The following CDH13 variants were observed in gnomAD, a reference collection of about 807,000 sequenced individuals.
CDH13 encodes cadherin 13.
A neutral mutation model predicts 63.8 loss-of-function variants in CDH13; 24 were observed. The observed-to-expected ratio is 0.38, with a 90% CI of 0.27 to 0.53. The LOEUF (loss-of-function observed/expected upper bound fraction) is 0.53, where lower values mean the gene tolerates loss of function less well. Ranked by LOEUF, CDH13 falls within the 20% of genes least tolerant of loss-of-function variation. The pLI, the probability that CDH13 is intolerant of heterozygous loss-of-function variation, is 0.85. For missense variants in CDH13, 1,049 were observed against 903.1 expected (o/e 1.16, Z -2.07); for synonymous variants, 503 against 355.3 (o/e 1.42, Z -4.67).
chr16:82,923,842 A>C (rs548170366), intron 2 of CDH13, among the ~76,000 whole-genome samples: 1 of 152,332 alleles, frequency 6.6e-6, no homozygotes, highest in African/African-American at 2.4e-5. Flanking sequence ...GTTGTAATTT[A>C]AGATAAAGAG....
At chr16:83,587,917 A>T (rs1325133310) in intron 7 of CDH13, among the ~76,000 whole-genome samples, 2 of 150,576 alleles carry the variant, frequency 1.3e-5, no homozygotes, top group Non-Finnish European at 3.0e-5. Flanking sequence ...CTTTGTTGAG[A>T]TTTATCTGAG....
chr16:83,741,546 T>G (rs1199993543), intron 10 of CDH13, among the ~76,000 whole-genome samples: 1 of 152,072 alleles, frequency 6.6e-6, no homozygotes, highest in Admixed American at 6.5e-5. Context: ...ATGCCATATA[T>G]AGAGATAGAT....
chr16:83,229,557 G>T (rs1381179739), intron 5 of CDH13, among the ~76,000 whole-genome samples: 2 of 151,968 alleles, frequency 1.3e-5, no homozygotes, highest in African/African-American at 2.4e-5. Flanking sequence ...AACACAGTTG[G>T]CCAGAGCTGT....
chr16:82,690,815 T>A (rs1915573617), intron 1 of CDH13, among the ~76,000 whole-genome samples: 1 of 152,214 alleles, frequency 6.6e-6, no homozygotes, highest in African/African-American at 2.4e-5. Context: ...GGGTGTTGGC[T>A]GACGCAGCCT....
chr16:83,538,751 G>C (rs959855442), intron 7 of CDH13, among the ~76,000 whole-genome samples: 2 of 152,130 alleles, frequency 1.3e-5, no homozygotes, highest in African/African-American at 2.4e-5. Context: ...TGTCCAGTTA[G>C]AATGCATAAT....
At chr16:83,149,604 T>C (rs78292806) in intron 4 of CDH13, among the ~76,000 whole-genome samples, 3,518 of 152,334 alleles carry the variant, frequency 0.023, 101 homozygotes, top group South Asian at 0.084. Context: ...AATATTTTTG[T>C]GTATATCACT....
intron 2 of CDH13, among the ~76,000 whole-genome samples, chr16:82,970,187 T>C (rs1908500558): frequency 6.6e-6 from 1 of 152,120 alleles, no homozygotes; most frequent in Non-Finnish European, 1.5e-5. Context: ...TATTTGGTTT[T>C]CTGTTCTTGT....
intron 1 of CDH13, among the ~76,000 whole-genome samples, chr16:82,845,800 A>G (rs1048199495): frequency 6.6e-6 from 1 of 152,142 alleles, no homozygotes; most frequent in African/African-American, 2.4e-5. Context: ...AATACCACCA[A>G]CCCTGAGCAG....
intron 6 of CDH13, among the ~76,000 whole-genome samples, chr16:83,377,150 A>G (rs1014748887): frequency 5.9e-5 from 9 of 152,212 alleles, no homozygotes; most frequent in South Asian, 2.1e-4. Flanking sequence ...CCACAAAATC[A>G]TAAACACGAT....
At chr16:83,230,362 A>G (rs1323363856) in intron 5 of CDH13, among the ~76,000 whole-genome samples, 1 of 152,190 alleles carries the variant, frequency 6.6e-6, no homozygotes, top group Non-Finnish European at 1.5e-5. Flanking sequence ...GGCTGCATGA[A>G]GTATCTTTCT....
At chr16:82,703,090 C>G (rs35748240) in intron 1 of CDH13, among the ~76,000 whole-genome samples, 5,132 of 151,884 alleles carry the variant, frequency 0.034, 130 homozygotes, top group Middle Eastern at 0.088. Context: ...ATTGCTTATA[C>G]TTTTTTTTGT....
intron 5 of CDH13, among the ~76,000 whole-genome samples, chr16:83,333,796 C>T (rs1227933205): frequency 6.6e-6 from 1 of 152,276 alleles, no homozygotes; most frequent in African/African-American, 2.4e-5. Flanking sequence ...TTGGTTTGCA[C>T]CTGTTGTTTC....
chr16:83,425,508 C>G (rs1567663924), intron 6 of CDH13, among the ~76,000 whole-genome samples: 1 of 152,258 alleles, frequency 6.6e-6, no homozygotes, highest in Non-Finnish European at 1.5e-5. Context: ...CCAGTTTATG[C>G]TACCGCATCT....
intron 6 of CDH13, among the ~76,000 whole-genome samples, chr16:83,426,214 AC>A (rs1174744092): frequency 2.0e-5 from 3 of 151,822 alleles, no homozygotes; most frequent in Non-Finnish European, 4.4e-5. Context: ...CTGGGTTTCC[AC>A]CCTAATGCAT....
intron 2 of CDH13, among the ~76,000 whole-genome samples, chr16:82,906,059 A>G (rs1418619496): frequency 2.6e-5 from 4 of 152,130 alleles, no homozygotes; most frequent in Admixed American, 1.3e-4. Context: ...TACCTGTCTA[A>G]TATCTGTCAT....
intron 10 of CDH13, among the ~76,000 whole-genome samples, chr16:83,713,317 T>C (rs1908347992): frequency 6.6e-6 from 1 of 152,232 alleles, no homozygotes; most frequent in Non-Finnish European, 1.5e-5. Flanking sequence ...CACCTCATCT[T>C]CTGCCATTGG....
intron 1 of CDH13, among the ~76,000 whole-genome samples, chr16:82,654,656 C>T (rs559612909): frequency 2.2e-4 from 33 of 152,176 alleles, no homozygotes; most frequent in Admixed American, 1.8e-3. Context: ...TATTTGGGGG[C>T]AGACATCCTT....
chr16:82,978,024 C>G lies in CDH13; in HGVS notation c.158-53986C>G, dbSNP rs533634316. Among the ~76,000 whole-genome samples, 200 of 152,292 alleles carry G rather than the reference C, an allele frequency of 1.3e-3. 1 individual carries two copies. The highest frequency in any genetic ancestry group is 4.7e-3 in the African/African-American group (195 of 41,564). Reference sequence around the variant, plus strand: ...GTTGGAAACTGGAGCAAAGGTGACTCTCGTTATGTTTTAGCACAGGGACTG... The same window carrying G: ...GTTGGAAACTGGAGCAAAGGTGACTGTCGTTATGTTTTAGCACAGGGACTG... On this transcript the variant is annotated intron_variant, in intron 2 of 13. Coordinates refer to ENST00000567109, the MANE Select transcript of CDH13 (RefSeq NM_001257.5).
chr16:83,601,808 G>T (rs186963141), intron 7 of CDH13, among the ~76,000 whole-genome samples: 15 of 152,096 alleles, frequency 9.9e-5, no homozygotes, highest in African/African-American at 3.4e-4. Flanking sequence ...AAAGGACAAC[G>T]TAGGGGCCGG....
Sources: gnomAD v4.1 joint callset for allele counts (sites outside exome capture counted in the v4.1 genomes callset) on GRCh38, gnomAD v4.1.1 for gene constraint, MANE v1.5 for transcripts, NCBI Gene and HGNC (gene_info 2026-07-23, HGNC 2026-07-21) for gene names.